The following RBFOX1 variants were observed in gnomAD, a reference collection of about 807,000 sequenced individuals.
RBFOX1 encodes RNA binding protein fox-1 homolog 1.
In RBFOX1, 8 loss-of-function variants were observed where a neutral mutation model predicts 57.7. The observed-to-expected ratio is 0.14, with a 90% CI of 0.08 to 0.25. RBFOX1 has a LOEUF of 0.25. Ranked by LOEUF, RBFOX1 falls within the 10% of genes least tolerant of loss-of-function variation. The probability of loss-of-function intolerance (pLI) is 1.00; values close to 1 mark genes in which losing one functional copy is unlikely to be tolerated. For synonymous variants in RBFOX1, 326 were observed against 222.4 expected, an observed-to-expected ratio of 1.47 and a Z score of -4.15; for missense variants, 611 against 548.5, an observed-to-expected ratio of 1.11 and a Z score of -1.14.
intron 6 of RBFOX1, among the ~76,000 whole-genome samples, chr16:7,581,015 T>C (rs2093718959): frequency 6.6e-6 from 1 of 152,154 alleles, no homozygotes; most frequent in Non-Finnish European, 1.5e-5. Context: ...GGTGTCTCCA[T>C]ATAAAATGGG....
chr16:5,701,313 A>C (rs1049167799), intron 3 of RBFOX1, among the ~76,000 whole-genome samples: 17 of 152,244 alleles, frequency 1.1e-4, no homozygotes, highest in Non-Finnish European at 1.9e-4. Flanking sequence ...AATGCAAACA[A>C]ATACAAAAGG....
chr16:6,032,507 C>G (rs577671662), intron 1 of RBFOX1, among the ~76,000 whole-genome samples: 1 of 152,224 alleles, frequency 6.6e-6, no homozygotes, highest in Non-Finnish European at 1.5e-5. Context: ...CCTGTCTTTA[C>G]GTAATTTGGT....
At chr16:6,895,446 GTGTATA>G (rs1293293240) in intron 3 of RBFOX1, among the ~76,000 whole-genome samples, 2,213 of 56,550 alleles carry the variant, frequency 0.039, 30 homozygotes, top group Middle Eastern at 0.065. Context: ...GTGTGTGTGT[GTGTATA>G]TATATATATA....
At chr16:5,880,564 A>T (rs1225360075) in intron 4 of RBFOX1, among the ~76,000 whole-genome samples, 1 of 152,194 alleles carries the variant, frequency 6.6e-6, no homozygotes, top group Non-Finnish European at 1.5e-5. Flanking sequence ...TTGTAGATGC[A>T]TTATTAGAGG....
chr16:7,158,678 G>T (rs910283974), intron 4 of RBFOX1, among the ~76,000 whole-genome samples: 5 of 144,314 alleles, frequency 3.5e-5, no homozygotes, highest in African/African-American at 1.2e-4. Flanking sequence ...ACGTATGTGT[G>T]TATGGTGTGT....
At chr16:6,227,241 C>CCCTCTTAAAA (rs1211865789) in intron 1 of RBFOX1, among the ~76,000 whole-genome samples, 1 of 152,164 alleles carries the variant, frequency 6.6e-6, no homozygotes, top group African/African-American at 2.4e-5. Flanking sequence ...TCCCTGGAGG[C>CCCTCTTAAAA]CCTCTTAAAA....
At chr16:7,254,854 G>T (rs554641606) in intron 4 of RBFOX1, among the ~76,000 whole-genome samples, 1 of 152,008 alleles carries the variant, frequency 6.6e-6, no homozygotes, top group African/African-American at 2.4e-5. Context: ...GAGTGATTTT[G>T]GTCTGAAATA....
intron 3 of RBFOX1, among the ~76,000 whole-genome samples, chr16:6,835,229 C>T (rs943202706): frequency 3.9e-5 from 6 of 151,998 alleles, no homozygotes; most frequent in South Asian, 2.1e-4. Flanking sequence ...AAGATGGCTC[C>T]GTTAGTGAGC....
chr16:6,299,610 G>A lies in RBFOX1; in HGVS notation c.-126-17385G>A, dbSNP rs922052492. The stretch of plus-strand genomic sequence containing the variant: ...CATCCAGGTCACTCTCTACCATTTG[G>A]CCAGTTTTTCTCCTAAAATATGGTC... On this transcript the variant is annotated intron_variant, in intron 1 of 15. Coordinates refer to ENST00000550418, the MANE Select transcript of RBFOX1 (RefSeq NM_018723.4). Among the ~76,000 whole-genome samples the A allele has an allele frequency of 1.3e-4, 20 of 152,140 alleles. No homozygotes were observed. In the East Asian group the frequency reaches 3.5e-3, roughly 27 times the overall value.
chr16:6,799,539 A>G (rs1213066784), intron 3 of RBFOX1, among the ~76,000 whole-genome samples: 1 of 152,028 alleles, frequency 6.6e-6, no homozygotes, highest in African/African-American at 2.4e-5. Context: ...GTTTCTGGGT[A>G]TGTGTGTGAA....
At chr16:5,303,192 A>T (rs747531612) in intron 1 of RBFOX1, among the ~76,000 whole-genome samples, 4 of 152,224 alleles carry the variant, frequency 2.6e-5, no homozygotes, top group Middle Eastern at 3.2e-3. Flanking sequence ...TCTTTACTGC[A>T]GTGGATGCCT....
intron 4 of RBFOX1, among the ~76,000 whole-genome samples, chr16:6,009,560 A>C (rs2152336538): frequency 6.6e-6 from 1 of 152,272 alleles, no homozygotes; most frequent in Non-Finnish European, 1.5e-5. Flanking sequence ...GTGCATAATC[A>C]GTGCTTCAGA....
intron 3 of RBFOX1, among the ~76,000 whole-genome samples, chr16:5,689,809 A>AG (rs1406153347): frequency 1.3e-5 from 2 of 151,766 alleles, no homozygotes; most frequent in African/African-American, 2.4e-5. Context: ...ACAGACCAAA[A>AG]AAAAAAAGAA....
At chr16:6,602,823 A>C (rs1181153939) in intron 2 of RBFOX1, among the ~76,000 whole-genome samples, 1 of 152,174 alleles carries the variant, frequency 6.6e-6, no homozygotes, top group East Asian at 1.9e-4. Flanking sequence ...CAGAAAGACA[A>C]CTGGAGCTCA....
intron 4 of RBFOX1, among the ~76,000 whole-genome samples, chr16:7,370,526 C>G (rs1453240751): frequency 6.6e-6 from 1 of 152,166 alleles, no homozygotes; most frequent in African/African-American, 2.4e-5. Context: ...CCCCCACGCT[C>G]CCTCCCCACT....
At chr16:6,604,263 A>G (rs1009176874) in intron 2 of RBFOX1, among the ~76,000 whole-genome samples, 2 of 152,172 alleles carry the variant, frequency 1.3e-5, no homozygotes, top group Non-Finnish European at 2.9e-5. Flanking sequence ...AAAGCCATCA[A>G]AATGGCTATT....
At chr16:7,403,263 C>T (rs1002258167) in intron 4 of RBFOX1, among the ~76,000 whole-genome samples, 4 of 152,138 alleles carry the variant, frequency 2.6e-5, no homozygotes, top group Non-Finnish European at 4.4e-5. Flanking sequence ...AGTCTCTCAG[C>T]AAACTTCAAG....
chr16:6,816,139 C>G (rs572496808), intron 3 of RBFOX1, among the ~76,000 whole-genome samples: 12 of 152,260 alleles, frequency 7.9e-5, no homozygotes, highest in South Asian at 2.1e-4. Context: ...GAGACCCCGT[C>G]TCTACAAAAT....
chr16:6,828,060 A>C (rs746380237), intron 3 of RBFOX1, among the ~76,000 whole-genome samples: 2 of 152,176 alleles, frequency 1.3e-5, no homozygotes, highest in Non-Finnish European at 2.9e-5. Flanking sequence ...GAAAATGATT[A>C]AAAGCCTCTA....
Sources: allele counts gnomAD v4.1 joint callset (sites outside exome capture counted in the v4.1 genomes callset), GRCh38; gene constraint gnomAD v4.1.1; transcripts MANE v1.5; gene names NCBI Gene and HGNC (gene_info 2026-07-23, HGNC 2026-07-21).